Variants in XKR4 observed in about 807,000 individuals in gnomAD.
XKR4 encodes XK related 4.
Under a neutral mutation model 53.9 loss-of-function variants are expected in XKR4, and 12 were observed. The observed-to-expected ratio is 0.22, with a 90% confidence interval of 0.14 to 0.36. The LOEUF (loss-of-function observed/expected upper bound fraction) is 0.36, where lower values mean the gene tolerates loss of function less well. Ranked by LOEUF, XKR4 falls within the 10% of genes least tolerant of loss-of-function variation. XKR4 has a pLI of 1.00. For synonymous variants in XKR4, 354 were observed against 362.4 expected (o/e 0.98, Z 0.26); for missense variants, 799 against 859.5 (o/e 0.93, Z 0.88).
chr8:55,311,348 C>A (rs916715606), intron 1 of XKR4, among the ~76,000 whole-genome samples: 1 of 152,190 alleles, frequency 6.6e-6, no homozygotes, highest in African/African-American at 2.4e-5. Context: ...GAGAGGGGCT[C>A]AGAGGGCCCC....
intron 1 of XKR4, among the ~76,000 whole-genome samples, chr8:55,240,708 G>GC (rs1818198939): frequency 6.6e-6 from 1 of 152,108 alleles, no homozygotes; most frequent in African/African-American, 2.4e-5. Flanking sequence ...GAAGTCCATT[G>GC]CTAAAAAAAG....
intron 2 of XKR4, among the ~76,000 whole-genome samples, chr8:55,480,075 A>C (rs1806075164): frequency 6.6e-6 from 1 of 152,236 alleles, no homozygotes; most frequent in Non-Finnish European, 1.5e-5. Flanking sequence ...TACTGATACC[A>C]AAGCCTGGCA....
intron 1 of XKR4, among the ~76,000 whole-genome samples, chr8:55,193,244 G>A (rs111598510): frequency 7.6e-4 from 115 of 152,126 alleles, no homozygotes; most frequent in African/African-American, 2.6e-3. Context: ...CTTGCATGAG[G>A]ATTGATCAGT....
intron 1 of XKR4, among the ~76,000 whole-genome samples, chr8:55,165,559 G>A (rs16921290): frequency 6.6e-6 from 1 of 152,034 alleles, no homozygotes; most frequent in African/African-American, 2.4e-5. Flanking sequence ...ACAATTTGTG[G>A]TGTCATAATC....
At chr8:55,352,393 G>A (rs1317055221) in intron 1 of XKR4, among the ~76,000 whole-genome samples, 1 of 152,206 alleles carries the variant, frequency 6.6e-6, no homozygotes, top group Non-Finnish European at 1.5e-5. Context: ...AGAGGCCAAA[G>A]GTTAGGAAGA....
chr8:55,432,196 A>G (rs1047415528), intron 2 of XKR4, among the ~76,000 whole-genome samples: 11 of 152,136 alleles, frequency 7.2e-5, no homozygotes, highest in African/African-American at 2.2e-4. Flanking sequence ...CACTGTTGCA[A>G]TGTGTAGTGA....
chr8:55,135,112 C>T (rs143250190), intron 1 of XKR4: 2,740 of 152,400 alleles, frequency 0.018, 43 homozygotes, highest in Middle Eastern at 0.048. Flanking sequence ...TGGCAAAAGC[C>T]GCAATTACAT....
At chr8:55,453,200 C>G in intron 2 of XKR4, 1 of 493,086 alleles carries the variant, frequency 2.0e-6, no homozygotes, top group South Asian at 1.5e-5. Context: ...AACTACCTTA[C>G]CCCTTGGCTC....
At chr8:55,434,549 T>C (rs1042585501) in intron 2 of XKR4, among the ~76,000 whole-genome samples, 1 of 152,098 alleles carries the variant, frequency 6.6e-6, no homozygotes, top group African/African-American at 2.4e-5. Flanking sequence ...GGATTGGTGA[T>C]ATGGAGACAA....
chr8:55,313,115 A>G (rs1586005108), intron 1 of XKR4, among the ~76,000 whole-genome samples: 2 of 152,300 alleles, frequency 1.3e-5, no homozygotes, highest in South Asian at 4.1e-4. Context: ...GTGGATAGAA[A>G]CCATAGAAGT....
intron 2 of XKR4, among the ~76,000 whole-genome samples, chr8:55,413,136 C>T (rs2129391456): frequency 6.6e-6 from 1 of 152,230 alleles, no homozygotes; most frequent in East Asian, 1.9e-4. Context: ...CATTGTTTTA[C>T]TGATTATTTC....
intron 1 of XKR4, among the ~76,000 whole-genome samples, chr8:55,322,305 T>C (rs1803227700): frequency 6.6e-6 from 1 of 152,224 alleles, no homozygotes; most frequent in South Asian, 2.1e-4. Flanking sequence ...TTTCTCTATC[T>C]TTACCTGTAT....
intron 1 of XKR4, among the ~76,000 whole-genome samples, chr8:55,125,294 G>A (rs185797257): frequency 2.6e-5 from 4 of 151,048 alleles, no homozygotes; most frequent in East Asian, 2.0e-4. Context: ...GTAGTGACAC[G>A]ATCTCAGCTC....
intron 1 of XKR4, among the ~76,000 whole-genome samples, chr8:55,306,497 G>A (rs1704995950): frequency 6.6e-6 from 1 of 152,210 alleles, no homozygotes; most frequent in Non-Finnish European, 1.5e-5. Flanking sequence ...CATGTGGCTG[G>A]GGAAGCCTCA....
At chr8:55,153,592 T>C (rs1293250895) in intron 1 of XKR4, among the ~76,000 whole-genome samples, 2 of 152,254 alleles carry the variant, frequency 1.3e-5, no homozygotes, top group Non-Finnish European at 2.9e-5. Flanking sequence ...TCATACTTTA[T>C]GATACGTGAT....
chr8:55,117,892 G>GT (rs1232375585), intron 1 of XKR4, among the ~76,000 whole-genome samples: 1 of 152,120 alleles, frequency 6.6e-6, no homozygotes, highest in Non-Finnish European at 1.5e-5. Context: ...GACCACCAGG[G>GT]TGACCACCAG....
chr8:55,343,150 C>T (rs1803582730), intron 1 of XKR4, among the ~76,000 whole-genome samples: 1 of 152,174 alleles, frequency 6.6e-6, no homozygotes, highest in Non-Finnish European at 1.5e-5. Flanking sequence ...GAGGATCATC[C>T]AACTCCTGCC....
intron 1 of XKR4, among the ~76,000 whole-genome samples, chr8:55,218,324 C>T (rs1464102206): frequency 6.6e-6 from 1 of 152,044 alleles, no homozygotes; most frequent in Non-Finnish European, 1.5e-5. Flanking sequence ...GACATTTTTT[C>T]CCTAGAAAAA....
At chr8:55,507,944 A>G (rs976222058) in intron 2 of XKR4, among the ~76,000 whole-genome samples, 10 of 152,260 alleles carry the variant, frequency 6.6e-5, no homozygotes, top group Admixed American at 5.2e-4. Flanking sequence ...ACAATGGTTG[A>G]ACTAGTTTAC....
Sources: allele counts gnomAD v4.1 joint callset (sites outside exome capture counted in the v4.1 genomes callset), GRCh38; gene constraint gnomAD v4.1.1; transcripts MANE v1.5; gene names NCBI Gene and HGNC (gene_info 2026-07-23, HGNC 2026-07-21).